The following ST7 variants were observed in gnomAD, a reference collection of about 807,000 sequenced individuals.
ST7 encodes the protein suppressor of tumorigenicity 7 protein.
A neutral mutation model predicts 78.7 loss-of-function variants in ST7; 28 were observed. That is an observed-to-expected ratio of 0.36 (90% confidence interval 0.26 to 0.49). The LOEUF is 0.49. Among genes scored for constraint, ST7 ranks in the 20% least tolerant of loss-of-function variants. The probability of loss-of-function intolerance (pLI) is 0.99; values close to 1 mark genes in which losing one functional copy is unlikely to be tolerated. For synonymous variants in ST7, 247 were observed against 249.6 expected (o/e 0.99, Z 0.10); for missense variants, 418 against 696.0 (o/e 0.60, Z 4.49).
intron 1 of ST7, among the ~76,000 whole-genome samples, chr7:117,019,068 G>T (rs1432426642): frequency 1.3e-5 from 2 of 152,134 alleles, no homozygotes; most frequent in Non-Finnish European, 2.9e-5. Flanking sequence ...TTTCATAGCA[G>T]AATTTAATAT....
intron 9 of ST7, among the ~76,000 whole-genome samples, chr7:117,161,799 C>G (rs952615716): frequency 6.6e-6 from 1 of 151,848 alleles, no homozygotes; most frequent in Non-Finnish European, 1.5e-5. Context: ...GGGGTTTCAT[C>G]ATGTTGGCCA....
At chr7:117,008,374 C>G (rs1017560747) in intron 1 of ST7, among the ~76,000 whole-genome samples, 2 of 152,124 alleles carry the variant, frequency 1.3e-5, no homozygotes, top group African/African-American at 4.8e-5. Flanking sequence ...TGAACAGGGT[C>G]AGATTTTCTC....
At chr7:117,074,415 AC>A (rs1563060385) in intron 1 of ST7, among the ~76,000 whole-genome samples, 1 of 152,134 alleles carries the variant, frequency 6.6e-6, no homozygotes, top group Non-Finnish European at 1.5e-5. Context: ...AAAACAAGCT[AC>A]TATCTTGTTT....
At chr7:117,158,505 G>T (rs1255646261) in intron 9 of ST7, among the ~76,000 whole-genome samples, 8 of 152,186 alleles carry the variant, frequency 5.3e-5, no homozygotes, top group Admixed American at 4.6e-4. Flanking sequence ...AGTTCTCAAT[G>T]ATGGATGCAT....
chr7:117,057,047 T>C (rs1456947624), intron 1 of ST7, among the ~76,000 whole-genome samples: 1 of 152,174 alleles, frequency 6.6e-6, no homozygotes, highest in African/African-American at 2.4e-5. Flanking sequence ...GGTTATCTGT[T>C]TGTGGATGAT....
intron 1 of ST7, among the ~76,000 whole-genome samples, chr7:117,041,934 G>C (rs1256112023): frequency 6.6e-6 from 1 of 152,156 alleles, no homozygotes; most frequent in Non-Finnish European, 1.5e-5. Flanking sequence ...CTTAAATGTC[G>C]AAGAGGAAGG....
intron 15 of ST7, among the ~76,000 whole-genome samples, chr7:117,227,221 C>T (rs1449101113): frequency 6.6e-6 from 1 of 152,180 alleles, no homozygotes; most frequent in African/African-American, 2.4e-5. Flanking sequence ...AGACTTTGAG[C>T]GATGCCTGTT....
intron 15 of ST7, among the ~76,000 whole-genome samples, chr7:117,224,722 G>A (rs185803415): frequency 4.6e-5 from 7 of 152,272 alleles, no homozygotes; most frequent in Non-Finnish European, 2.9e-5. Flanking sequence ...AAAATCTTGA[G>A]TATTAGCAGG....
rs560273726 is a variant in ST7 at position 117,181,655 on chromosome 7, G to T, written c.1079-7666G>T. Among the ~76,000 whole-genome samples the T allele has an allele frequency of 9.9e-5, 15 of 152,124 alleles. No individual in the cohort carries two copies. The East Asian group carries it at 2.7e-3, about 27-fold the overall frequency. On this transcript the variant is annotated intron_variant, in intron 10 of 15. Coordinates refer to ENST00000323984, the MANE Select transcript of ST7 (RefSeq NM_001369598.1). ...CTTTAGTATTTTTTACTTTTTAAAA[G>T]AATGTATCAAGTCAATCCCAAGCAA...
At chr7:117,060,937 C>T (rs1002568138) in intron 1 of ST7, among the ~76,000 whole-genome samples, 11 of 152,070 alleles carry the variant, frequency 7.2e-5, no homozygotes, top group South Asian at 4.2e-4. Context: ...ACCTGGGAGG[C>T]GGAGGTTGCA....
rs989306097 is a variant in ST7 at position 117,190,796 on chromosome 7, G to A, written c.1152-38G>A. 1 of 1,568,356 alleles carries A rather than the reference G, an allele frequency of 6.4e-7. No homozygotes were observed. Among genetic ancestry groups the A allele is most frequent in the African/African-American group, 1.4e-5 (1 of 73,862 alleles). ...GCTTCCGGGTTGATGCCCAAGCAGT[G>A]GTCCCACCTGGATGGTTTTTGTCTT... On this transcript the variant is annotated intron_variant, in intron 11 of 15. Coordinates refer to ENST00000323984, the MANE Select transcript of ST7 (RefSeq NM_001369598.1). The surrounding 1 kb of genome is among the most constrained non-coding windows in gnomAD (Gnocchi z 5.2).
At chr7:117,148,712 A>C (rs186992605) in intron 9 of ST7, among the ~76,000 whole-genome samples, 383 of 152,326 alleles carry the variant, frequency 2.5e-3, no homozygotes, top group Middle Eastern at 0.01. Context: ...CAATATCTAT[A>C]AATTATTCCC....
intron 2 of ST7, among the ~76,000 whole-genome samples, chr7:117,109,330 GAGA>G (rs143929104): frequency 0.16 from 24,396 of 152,056 alleles, 2,510 homozygotes; most frequent in South Asian, 0.24. Context: ...GATTAAGCAA[GAGA>G]AGAAGAGAGA....
At chr7:117,133,650 G>A (rs116392605) in intron 6 of ST7, among the ~76,000 whole-genome samples, 2,206 of 151,450 alleles carry the variant, frequency 0.015, 67 homozygotes, top group African/African-American at 0.051. Flanking sequence ...GGAATAAATG[G>A]TTGTCTTTAG....
intron 12 of ST7, among the ~76,000 whole-genome samples, chr7:117,202,995 G>T (rs1200521374): frequency 6.6e-6 from 1 of 152,116 alleles, no homozygotes; most frequent in Admixed American, 6.5e-5. Flanking sequence ...CAAAAAATCA[G>T]CTCTCTGTAT....
intron 2 of ST7, among the ~76,000 whole-genome samples, chr7:117,100,700 C>G (rs1158520556): frequency 6.6e-6 from 1 of 151,924 alleles, no homozygotes; most frequent in South Asian, 2.1e-4. Context: ...ATTTGTATGG[C>G]TCTATTACCT....
At chr7:117,066,919 A>G (rs1798668499) in intron 1 of ST7, among the ~76,000 whole-genome samples, 1 of 152,050 alleles carries the variant, frequency 6.6e-6, no homozygotes. Flanking sequence ...TCCTCTCACC[A>G]TTCTCTGGAA....
At chr7:117,157,928 TCAGAGTTACC>T (rs1417757512) in intron 9 of ST7, among the ~76,000 whole-genome samples, 1 of 152,228 alleles carries the variant, frequency 6.6e-6, no homozygotes, top group Non-Finnish European at 1.5e-5. Context: ...AATGTTTTAC[TCAGAGTTACC>T]CATCAGTTTT....
chr7:117,171,436 T>C (rs557277796), intron 10 of ST7, among the ~76,000 whole-genome samples: 1 of 152,044 alleles, frequency 6.6e-6, no homozygotes, highest in Admixed American at 6.6e-5. Context: ...CATGTGGCAA[T>C]TCAGTAAATA....
Sources: allele counts gnomAD v4.1 joint callset (sites outside exome capture counted in the v4.1 genomes callset), GRCh38; gene constraint gnomAD v4.1.1; non-coding constraint Gnocchi (gnomAD v3.1); transcripts MANE v1.5; gene names NCBI Gene and HGNC (gene_info 2026-07-23, HGNC 2026-07-21).